KCNJ15: variants seen among roughly 807,000 people sequenced by gnomAD.
The protein encoded by KCNJ15 is potassium inwardly rectifying channel subfamily J member 15.
A neutral mutation model predicts 23.0 loss-of-function variants in KCNJ15; 14 were observed. That is an observed-to-expected ratio of 0.61 (90% CI 0.40 to 0.95). The LOEUF (loss-of-function observed/expected upper bound fraction) is 0.95. Among genes scored for constraint, KCNJ15 ranks in the 40% least tolerant of loss-of-function variants. The pLI is 0.00. For missense variants in KCNJ15, 388 were observed against 461.8 expected (o/e 0.84, Z 1.46); for synonymous variants, 185 against 183.2 (o/e 1.01, Z -0.08).
intron 1 of KCNJ15, among the ~76,000 whole-genome samples, chr21:38,261,344 T>C (rs1980875173): frequency 6.6e-6 from 1 of 152,224 alleles, no homozygotes. Flanking sequence ...GGATAGGACC[T>C]GGGCAAGTGA....
At chr21:38,272,466 C>G (rs1055812194) in intron 1 of KCNJ15, 1 of 152,164 alleles carries the variant, frequency 6.6e-6, no homozygotes, top group Non-Finnish European at 1.5e-5. Flanking sequence ...CACAGGCTTC[C>G]CCCTGCTGAG....
upstream of KCNJ15, among the ~76,000 whole-genome samples, chr21:38,256,266 T>A (rs1342298395): frequency 6.6e-6 from 1 of 151,526 alleles, no homozygotes; most frequent in Non-Finnish European, 1.5e-5. Context: ...GATGCCAGAC[T>A]ATGCAAGAAT....
upstream of KCNJ15, chr21:38,256,926 CTCCCTCCT>C (rs1349965052): frequency 6.8e-5 from 10 of 147,642 alleles, no homozygotes; most frequent in Non-Finnish European, 1.3e-4. Context: ...CCCTCCCTCC[CTCCCTCCT>C]TCCCTATCCC....
intron 1 of KCNJ15, among the ~76,000 whole-genome samples, chr21:38,230,603 A>C (rs1026594098): frequency 6.6e-6 from 1 of 151,970 alleles, no homozygotes; most frequent in Non-Finnish European, 1.5e-5. Context: ...TGTCATCTCT[A>C]ACAGCAGTTC....
upstream of KCNJ15, among the ~76,000 whole-genome samples, chr21:38,254,235 G>C (rs187864831): frequency 6.6e-6 from 1 of 152,100 alleles, no homozygotes; most frequent in African/African-American, 2.4e-5. Flanking sequence ...TCACATAGAC[G>C]CGCATTTTAG....
rs980846266 is a variant in KCNJ15 at position 38,305,469 on chromosome 21, G to T, written c.*5080G>T. 1 of 152,234 alleles carries T rather than the reference G, an allele frequency of 6.6e-6. No homozygotes were observed. The highest frequency in any genetic ancestry group is 2.4e-5 in the African/African-American group (1 of 41,468). 9.4% of individuals were successfully genotyped at this position (152,234 alleles called of 1,614,324 possible). ...AAAATTACAAGAAAGGATGGTGGAA[G>T]TCAAAGGACAGAACTGATACACGAG... On this transcript the variant is annotated 3_prime_UTR_variant, in exon 3 of 3. Transcript: ENST00000398938.
intron 1 of KCNJ15, among the ~76,000 whole-genome samples, chr21:38,244,743 A>C (rs1379615765): frequency 1.3e-5 from 2 of 152,074 alleles, no homozygotes; most frequent in Non-Finnish European, 2.9e-5. Flanking sequence ...GGGGAGGGGA[A>C]CATCTTTTCA....
At position 38,306,065 on chromosome 21, in the gene KCNJ15, G is replaced by A. The variant is rs867845888; in HGVS notation, c.*5676G>A. 2 of 152,228 alleles carry A rather than the reference G, an allele frequency of 1.3e-5. No individual in the cohort carries two copies. The highest frequency in any genetic ancestry group is 1.3e-4 in the Admixed American group (2 of 15,286). The allele number at this position is 152,228 out of a possible 1,614,324, so 9.4% of individuals were successfully genotyped here. ...GGATGGGCTCAAAGTCGCCCTCCACGTGGGTGCACAGGAGCCCAGATTCTC... is the reference window on the plus strand; with the variant it reads ...GGATGGGCTCAAAGTCGCCCTCCACATGGGTGCACAGGAGCCCAGATTCTC... On this transcript the variant is annotated 3_prime_UTR_variant, in exon 3 of 3. Coordinates refer to ENST00000398938, the MANE Select transcript of KCNJ15 (RefSeq NM_170736.3).
intron 1 of KCNJ15, among the ~76,000 whole-genome samples, chr21:38,232,212 A>G (rs1465221590): frequency 1.3e-5 from 2 of 150,872 alleles, no homozygotes; most frequent in African/African-American, 4.9e-5. Flanking sequence ...AAATTTGTCC[A>G]TTTCATTTAT....
intron 1 of KCNJ15, among the ~76,000 whole-genome samples, chr21:38,239,759 G>T (rs1262279281): frequency 3.3e-5 from 5 of 152,212 alleles, no homozygotes; most frequent in Non-Finnish European, 7.3e-5. Context: ...GTGTGGAGAA[G>T]TCAGCTTGGG....
intron 1 of KCNJ15, among the ~76,000 whole-genome samples, chr21:38,245,696 G>C (rs1237964137): frequency 6.6e-6 from 1 of 151,506 alleles, no homozygotes; most frequent in Non-Finnish European, 1.5e-5. Flanking sequence ...AAGAAAGAAA[G>C]AAGGAAAGGA....
upstream of KCNJ15, among the ~76,000 whole-genome samples, chr21:38,253,798 A>G (rs1315940710): frequency 1.3e-5 from 2 of 152,194 alleles, no homozygotes; most frequent in Non-Finnish European, 2.9e-5. Context: ...AGATCTTCAT[A>G]GAAAAATCCA....
chr21:38,252,755 C>A (rs866387190), upstream of KCNJ15, among the ~76,000 whole-genome samples: 2 of 152,268 alleles, frequency 1.3e-5, no homozygotes, highest in Middle Eastern at 3.4e-3. Flanking sequence ...AGCACCTGCA[C>A]CATGGATTGC....
chr21:38,275,989 A>T (rs955653200), intron 1 of KCNJ15, among the ~76,000 whole-genome samples: 6 of 152,152 alleles, frequency 3.9e-5, no homozygotes, highest in Admixed American at 6.5e-5. Context: ...TGTGTTAGAT[A>T]TGGACAAAAT....
chr21:38,284,547 G>A (rs1983686387), intron 1 of KCNJ15, among the ~76,000 whole-genome samples: 1 of 152,206 alleles, frequency 6.6e-6, no homozygotes, highest in South Asian at 2.1e-4. Context: ...CGATTAAACA[G>A]ACTCTCAGCA....
intron 1 of KCNJ15, among the ~76,000 whole-genome samples, chr21:38,290,060 A>G (rs1984424582): frequency 6.6e-6 from 1 of 152,218 alleles, no homozygotes; most frequent in Non-Finnish European, 1.5e-5. Flanking sequence ...GTAACAACAG[A>G]CAGATGTGTA....
chr21:38,282,949 G>A (rs1213186541), intron 1 of KCNJ15, among the ~76,000 whole-genome samples: 2 of 152,140 alleles, frequency 1.3e-5, no homozygotes, highest in African/African-American at 4.8e-5. Flanking sequence ...GGATGCGTAG[G>A]AGTTTACCAG....
intron 1 of KCNJ15, among the ~76,000 whole-genome samples, chr21:38,243,046 C>T (rs990166540): frequency 1.3e-5 from 2 of 152,194 alleles, no homozygotes; most frequent in Non-Finnish European, 2.9e-5. Context: ...GACTTCAGCT[C>T]AGTTATTGAA....
rs954593251 is a variant in KCNJ15, at chr21:38,304,459, A to G, written c.*4070A>G. On this transcript the variant is annotated 3_prime_UTR_variant, in exon 3 of 3. Coordinates refer to ENST00000398938, the MANE Select transcript of KCNJ15 (RefSeq NM_170736.3). ...TGATGTAATTTTTTAAGCGAAAGGT[A>G]CTAACATTTCCAGTCTTGATTTCCA... is the stretch of plus-strand genomic sequence containing the variant. 3 of 151,854 alleles carry G rather than the reference A, an allele frequency of 2.0e-5. No individual in the cohort carries two copies. Among genetic ancestry groups the G allele is most frequent in the African/African-American group, 7.3e-5 (3 of 41,360 alleles). The allele number at this position is 151,854 out of a possible 1,614,324, so 9.4% of individuals were successfully genotyped here.
Sources: gnomAD v4.1 joint callset for allele counts (sites outside exome capture counted in the v4.1 genomes callset) on GRCh38, gnomAD v4.1.1 for gene constraint, MANE v1.5 for transcripts, NCBI Gene and HGNC (gene_info 2026-07-23, HGNC 2026-07-21) for gene names.